The following TENM4 variants were observed in gnomAD, a reference collection of about 807,000 sequenced individuals.
TENM4 encodes teneurin transmembrane protein 4.
TENM4 carries 82 observed loss-of-function variants against 243.3 expected under a neutral mutation model. The ratio of observed to expected loss-of-function variants is 0.34; its 90% CI spans 0.28 to 0.40. The LOEUF (loss-of-function observed/expected upper bound fraction) is 0.40, where lower values mean the gene tolerates loss of function less well. TENM4 is among the 10% of genes least tolerant of loss of function. The pLI, the probability that TENM4 is intolerant of heterozygous loss-of-function variation, is 1.00. For missense variants in TENM4, 3,138 were observed against 3,673.3 expected, an observed-to-expected ratio of 0.85 and a Z score of 3.77; for synonymous variants, 1,412 against 1,456.3, an observed-to-expected ratio of 0.97 and a Z score of 0.69.
chr11:78,828,292 C>T (rs1857902442), intron 12 of TENM4, among the ~76,000 whole-genome samples: 1 of 152,184 alleles, frequency 6.6e-6, no homozygotes, highest in Non-Finnish European at 1.5e-5. Flanking sequence ...AGACATGGTA[C>T]TGGCCTCTCT....
chr11:78,783,520 T>C (rs766241013), intron 16 of TENM4, among the ~76,000 whole-genome samples: 78 of 152,260 alleles, frequency 5.1e-4, no homozygotes, highest in Non-Finnish European at 1.1e-3. Context: ...TGAACTTCTG[T>C]CACCCTTGGG....
chr11:79,392,116 C>T (rs1858246756), intron 1 of TENM4, among the ~76,000 whole-genome samples: 1 of 152,232 alleles, frequency 6.6e-6, no homozygotes, highest in Non-Finnish European at 1.5e-5. Flanking sequence ...CAAGGACAGC[C>T]AACATCCACA....
At chr11:79,138,349 A>C (rs1862158070) in intron 4 of TENM4, among the ~76,000 whole-genome samples, 1 of 124,102 alleles carries the variant, frequency 8.1e-6, no homozygotes, top group African/African-American at 3.1e-5. Context: ...TAATATATAA[A>C]AATATATAAT....
In TENM4 at chr11:78,702,143, C is replaced by A. The variant is rs1032355299; in HGVS notation, c.4470G>T (p.Lys1490Asn). ...TGGTGACCTGCCTGATGCGGTTGAT[C>A]TTTTTCTCATCAGTCTCAGCAATAT... is the stretch of plus-strand genomic sequence containing the variant. ...VLYIAETDEK[K>N]INRIRQVTTS... Residue 1490 changes from lysine to asparagine, a missense_variant, in exon 28 of 34, where the codon AAG becomes AAT. Transcript: ENST00000278550. 6.2e-7 allele frequency: 1 copy of A among 1,613,974 alleles called. No homozygotes were observed. The highest frequency in any genetic ancestry group is 1.7e-5 in the Admixed American group (1 of 60,024).
chr11:79,098,456 C>T (rs771970160), intron 4 of TENM4, among the ~76,000 whole-genome samples: 31 of 152,152 alleles, frequency 2.0e-4, no homozygotes, highest in Admixed American at 3.3e-4. Flanking sequence ...CCACTCAGCA[C>T]GAGTCTGAGA....
At chr11:79,006,562 T>G (rs1858490284) in intron 6 of TENM4, among the ~76,000 whole-genome samples, 2 of 152,104 alleles carry the variant, frequency 1.3e-5, no homozygotes, top group African/African-American at 4.8e-5. Flanking sequence ...TTCTCTTATT[T>G]AACACACTAG....
At chr11:79,151,960 AG>A (rs1862520109) in intron 3 of TENM4, among the ~76,000 whole-genome samples, 1 of 152,192 alleles carries the variant, frequency 6.6e-6, no homozygotes, top group Non-Finnish European at 1.5e-5. Context: ...GATGTCAATG[AG>A]TGACTGATTG....
intron 15 of TENM4, 150 bp from the exon 16 acceptor site, chr11:78,787,233 T>A: frequency 1.1e-6 from 1 of 908,128 alleles, no homozygotes; most frequent in Non-Finnish European, 1.6e-6. Context: ...ATACCTGGGC[T>A]TCTGTGACAG....
intron 1 of TENM4, among the ~76,000 whole-genome samples, chr11:79,380,488 T>C (rs1857978970): frequency 1.3e-5 from 2 of 152,218 alleles, no homozygotes; most frequent in South Asian, 4.1e-4. Flanking sequence ...GATTGATCTA[T>C]TTCAGTGTTT....
At chr11:78,944,970 T>A (rs2136469415) in intron 6 of TENM4, among the ~76,000 whole-genome samples, 1 of 152,316 alleles carries the variant, frequency 6.6e-6, no homozygotes, top group South Asian at 2.1e-4. Context: ...AAGGATAAAA[T>A]CAAATTATTT....
At chr11:78,916,749 G>T (rs368394236) in intron 6 of TENM4, among the ~76,000 whole-genome samples, 1 of 140,270 alleles carries the variant, frequency 7.1e-6, no homozygotes, top group African/African-American at 2.6e-5. Flanking sequence ...TCACATCTTT[G>T]TTTATGAAAT....
In TENM4 at chr11:79,295,896, AAC is replaced by A. The variant is rs199711050; in HGVS notation, c.-265+1590_-265+1591del. On this transcript the variant is annotated intron_variant, in intron 2 of 33. Transcript: ENST00000278550. ...AATAAGAATTGCCTCCCAGGGATTA[AAC>A]ACACACACACACACACACACACACA... Among the ~76,000 whole-genome samples, 589 of 130,886 alleles carry A rather than the reference AAC, an allele frequency of 4.5e-3. 3 individuals carry two copies. The highest frequency in any genetic ancestry group is 0.03 in the East Asian group (134 of 4,400). The allele number at this position is 130,886 out of a possible 152,430, so 85.9% of individuals were successfully genotyped here.
chr11:79,002,718 A>G (rs1858365146), intron 6 of TENM4, among the ~76,000 whole-genome samples: 1 of 152,222 alleles, frequency 6.6e-6, no homozygotes, highest in South Asian at 2.1e-4. Flanking sequence ...CTAGTGCAAT[A>G]ACTTTGAGAT....
At chr11:79,338,301 G>T (rs1315796942) in intron 1 of TENM4, among the ~76,000 whole-genome samples, 3 of 152,228 alleles carry the variant, frequency 2.0e-5, no homozygotes, top group Non-Finnish European at 4.4e-5. Flanking sequence ...AGATTCTAGT[G>T]GGGCAAATTT....
chr11:78,732,617 G>A, intron 20 of TENM4, 40 bp from the exon 21 acceptor site: 1 of 1,548,260 alleles, frequency 6.5e-7, no homozygotes, highest in Admixed American at 1.9e-5. Context: ...CGGGGAGCAG[G>A]AAGAGCAGGA....
chr11:78,945,198 T>C (rs1856983256), intron 6 of TENM4, among the ~76,000 whole-genome samples: 1 of 152,260 alleles, frequency 6.6e-6, no homozygotes, highest in African/African-American at 2.4e-5. Flanking sequence ...GTGGCAATCC[T>C]GAGTCAAGCA....
intron 12 of TENM4, among the ~76,000 whole-genome samples, chr11:78,834,020 T>C (rs1214620115): frequency 6.6e-6 from 1 of 152,230 alleles, no homozygotes; most frequent in Non-Finnish European, 1.5e-5. Flanking sequence ...CGTCAGCCCA[T>C]GTCCCTCAGC....
At chr11:79,091,631 A>G (rs993178329) in intron 4 of TENM4, among the ~76,000 whole-genome samples, 2 of 152,048 alleles carry the variant, frequency 1.3e-5, no homozygotes, top group African/African-American at 4.8e-5. Flanking sequence ...ATACAGAATC[A>G]CAGGCTCTCC....
At chr11:79,423,077 T>C (rs760452548) in intron 1 of TENM4, among the ~76,000 whole-genome samples, 18 of 152,102 alleles carry the variant, frequency 1.2e-4, no homozygotes, top group Non-Finnish European at 4.4e-5. Flanking sequence ...GAGGCTGTCC[T>C]AAACCCAATC....
Sources: allele counts gnomAD v4.1 joint callset (sites outside exome capture counted in the v4.1 genomes callset), GRCh38; gene constraint gnomAD v4.1.1; transcripts MANE v1.5; gene names NCBI Gene and HGNC (gene_info 2026-07-23, HGNC 2026-07-21).